The following JMJD1C variants were observed in gnomAD, a reference collection of about 807,000 sequenced individuals.
JMJD1C encodes jumonji domain containing 1C.
A neutral mutation model predicts 245.3 loss-of-function variants in JMJD1C; 31 were observed. The observed-to-expected ratio is 0.13, with a 90% CI of 0.09 to 0.17. The LOEUF is 0.17. JMJD1C is among the 10% of genes least tolerant of loss of function. JMJD1C has a pLI of 1.00. For synonymous variants in JMJD1C, 1,057 were observed against 1,017.4 expected, an observed-to-expected ratio of 1.04 and a Z score of -0.74; for missense variants, 2,691 against 3,000.2, an observed-to-expected ratio of 0.90 and a Z score of 2.41.
Position 63,270,367 on chromosome 10 carries a change from A to G in JMJD1C, c.334-5603T>C, listed in dbSNP as rs573520047. Among the ~76,000 whole-genome samples the G allele has an allele frequency of 1.0e-3, 156 of 152,108 alleles. 1 individual carries two copies. Among genetic ancestry groups the G allele is most frequent in the African/African-American group, 3.6e-3 (151 of 41,460 alleles). ...TTTTTAGTAGAGACAGGGTCTCACCACATTGGCCAGGCTTGTCTCAAAAAC... is the reference window on the plus strand; with the variant it reads ...TTTTTAGTAGAGACAGGGTCTCACCGCATTGGCCAGGCTTGTCTCAAAAAC... On this transcript the variant is annotated intron_variant, in intron 2 of 25. Coordinates refer to ENST00000399262, the MANE Select transcript of JMJD1C (RefSeq NM_032776.3).
intron 2 of JMJD1C, among the ~76,000 whole-genome samples, chr10:63,287,415 T>G (rs1858118353): frequency 6.6e-6 from 1 of 152,138 alleles, no homozygotes; most frequent in South Asian, 2.1e-4. Context: ...AAATGAAAAT[T>G]AAAGACATAC....
At chr10:63,436,981 A>T (rs1951092249) in intron 1 of JMJD1C, among the ~76,000 whole-genome samples, 1 of 152,040 alleles carries the variant, frequency 6.6e-6, no homozygotes, top group African/African-American at 2.4e-5. Flanking sequence ...ATTGCTATTC[A>T]TCTCTCATTT....
At chr10:63,336,468 A>G (rs1942746495) in intron 2 of JMJD1C, among the ~76,000 whole-genome samples, 1 of 152,084 alleles carries the variant, frequency 6.6e-6, no homozygotes, top group South Asian at 2.1e-4. Flanking sequence ...AAAAAATAAT[A>G]ATAAATAAAT....
At chr10:63,243,496 A>G (rs956591098) in intron 3 of JMJD1C, among the ~76,000 whole-genome samples, 6 of 152,210 alleles carry the variant, frequency 3.9e-5, no homozygotes, top group African/African-American at 1.4e-4. Context: ...ATTGCACTCC[A>G]GCATGGGCAA....
intron 1 of JMJD1C, among the ~76,000 whole-genome samples, chr10:63,418,800 C>T (rs763768025): frequency 5.3e-5 from 8 of 152,122 alleles, no homozygotes; most frequent in Non-Finnish European, 4.4e-5. Flanking sequence ...AGATAAGGGG[C>T]CTGGCATGGT....
chr10:63,380,123 T>C (rs943216047), intron 2 of JMJD1C, 195 bp downstream of exon 2: 45 of 415,352 alleles, frequency 1.1e-4, no homozygotes, highest in Non-Finnish European at 1.5e-4. Flanking sequence ...TTTTTTTTTT[T>C]GGTAGAGATG....
In JMJD1C at chr10:63,167,846, C is replaced by T; in HGVS notation, c.*199G>A. 2.0e-6 allele frequency: 1 copy of T among 493,804 alleles called. No individual in the cohort carries two copies. 30.6% of individuals were successfully genotyped at this position (493,804 alleles called of 1,614,324 possible). On this transcript the variant is annotated 3_prime_UTR_variant, in exon 26 of 26. Coordinates refer to ENST00000399262, the MANE Select transcript of JMJD1C (RefSeq NM_032776.3). The stretch of plus-strand genomic sequence containing the variant: ...GCTATATAGTGCTGCTTTTAAAATT[C>T]TGCTTGTTTTATAACATTGAATCAC...
intron 1 of JMJD1C, among the ~76,000 whole-genome samples, chr10:63,384,382 T>C (rs989903642): frequency 6.6e-6 from 1 of 152,210 alleles, no homozygotes; most frequent in Non-Finnish European, 1.5e-5. Flanking sequence ...CTGGCAGCTA[T>C]AGCTTTACAA....
At chr10:63,204,703 A>G in intron 10 of JMJD1C, 3 of 985,402 alleles carry the variant, frequency 3.0e-6, no homozygotes, top group Non-Finnish European at 3.6e-6. Flanking sequence ...CTTCGATGTT[A>G]ATCCCCCTCT....
chr10:63,185,805 T>A, intron 19 of JMJD1C, 152 bp from the exon 20 acceptor site: 1 of 612,916 alleles, frequency 1.6e-6, no homozygotes, highest in East Asian at 2.8e-5. Flanking sequence ...CTTATGTACT[T>A]ATGTAGTATT....
rs1844718876 is a variant in JMJD1C, at chr10:63,190,899, C to T, written c.6286G>A (p.Ala2096Thr). The T allele has an allele frequency of 3.1e-6, 5 of 1,612,940 alleles. No homozygotes were observed. The highest frequency in any genetic ancestry group is 1.3e-5 in the African/African-American group (1 of 74,886). The stretch of plus-strand genomic sequence containing the variant: ...AAAAATCTGGCATCACTCACTGGGG[C>T]TCCCATTGAATATACTGGGGCAAAG... ...IAFAPVYSMG[A>T]PSSKSGRTMP... Residue 2096 changes from alanine (A) to threonine (T), a missense_variant, in exon 17 of 26, where the codon GCC (alanine) becomes ACC (threonine). Transcript: ENST00000399262.
At chr10:63,271,807 T>G (rs1856333424) in intron 2 of JMJD1C, among the ~76,000 whole-genome samples, 1 of 152,128 alleles carries the variant, frequency 6.6e-6, no homozygotes, top group Non-Finnish European at 1.5e-5. Context: ...TCACAGAAAT[T>G]ATCAGGTTAG....
rs563770210 is a variant in JMJD1C, at chr10:63,316,892, T to C, written c.334-52128A>G. 1.4e-4 allele frequency among the ~76,000 whole-genome samples: 22 copies of C among 152,030 alleles called. 1 individual carries two copies. The South Asian group carries it at 4.0e-3, about 27-fold the overall frequency. ...TTTTTTGAGATGGAGTCTTGCTCTG[T>C]TGCCCAGGCTGGAGCCCACTGGCAG... On this transcript the variant is annotated intron_variant, in intron 2 of 25. Coordinates refer to ENST00000399262, the MANE Select transcript of JMJD1C (RefSeq NM_032776.3).
intron 1 of JMJD1C, among the ~76,000 whole-genome samples, chr10:63,502,890 C>G (rs1011499687): frequency 6.6e-6 from 1 of 152,132 alleles, no homozygotes; most frequent in Non-Finnish European, 1.5e-5. Context: ...AGCTGCACAG[C>G]TGTAGATAAC....
intron 21 of JMJD1C, 131 bp downstream of exon 21, chr10:63,184,477 C>G: frequency 1.4e-6 from 1 of 721,870 alleles, no homozygotes; most frequent in Non-Finnish European, 2.2e-6. Context: ...CTCCTGACCT[C>G]GTGATTCACC....
chr10:63,301,400 A>C (rs1292535305), intron 2 of JMJD1C, among the ~76,000 whole-genome samples: 1 of 152,226 alleles, frequency 6.6e-6, no homozygotes, highest in East Asian at 1.9e-4. Flanking sequence ...TACTCTAGGA[A>C]GTACACCTAG....
At chr10:63,295,203 C>G (rs1473234356) in intron 2 of JMJD1C, among the ~76,000 whole-genome samples, 1 of 152,008 alleles carries the variant, frequency 6.6e-6, no homozygotes, top group East Asian at 1.9e-4. Context: ...AAGTGATCCT[C>G]CTGCCTTAGC....
At chr10:63,298,255 G>T (rs1228679403) in intron 2 of JMJD1C, among the ~76,000 whole-genome samples, 2 of 152,210 alleles carry the variant, frequency 1.3e-5, no homozygotes, top group Admixed American at 6.5e-5. Flanking sequence ...AGGCCAAGTA[G>T]GCAGAATGAG....
intron 2 of JMJD1C, among the ~76,000 whole-genome samples, chr10:63,357,061 C>T (rs1944906401): frequency 6.6e-6 from 1 of 151,044 alleles, no homozygotes; most frequent in Admixed American, 6.6e-5. Context: ...TTTTAATGGA[C>T]TCTCACTCTG....
Sources: allele counts gnomAD v4.1 joint callset (sites outside exome capture counted in the v4.1 genomes callset), GRCh38; gene constraint gnomAD v4.1.1; transcripts MANE v1.5; gene names NCBI Gene and HGNC (gene_info 2026-07-23, HGNC 2026-07-21).